The following NXPH1 variants were observed in gnomAD, a reference collection of about 807,000 sequenced individuals.
NXPH1 encodes the protein neurexophilin-1.
In NXPH1, 5 loss-of-function variants were observed where a neutral mutation model predicts 23.7. The ratio of observed to expected loss-of-function variants is 0.21; its 90% CI spans 0.11 to 0.44. The LOEUF (loss-of-function observed/expected upper bound fraction) is 0.44, where lower values mean the gene tolerates loss of function less well. Among genes scored for constraint, NXPH1 ranks in the 20% least tolerant of loss-of-function variants. The pLI is 0.99. For synonymous variants in NXPH1, 144 were observed against 122.2 expected, an observed-to-expected ratio of 1.18 and a Z score of -1.18; for missense variants, 324 against 321.6, an observed-to-expected ratio of 1.01 and a Z score of -0.06.
chr7:8,650,068 G>A (rs1820466686), intron 2 of NXPH1, among the ~76,000 whole-genome samples: 1 of 151,940 alleles, frequency 6.6e-6, no homozygotes, highest in African/African-American at 2.4e-5. Flanking sequence ...TGCTATTTCT[G>A]GACAGTTGTA....
rs1818863358 is a variant in NXPH1 at position 8,581,219 on chromosome 7, T to C, written c.54+145452T>C. 2.6e-5 allele frequency among the ~76,000 whole-genome samples: 4 copies of C among 152,326 alleles called. No homozygotes were observed. The South Asian group carries it at 8.3e-4, about 32-fold the overall frequency. ...AAAATATATACTTATTAAAGACATC[T>C]ATGTATCAGGCATTGGGGAAATAAT... is the stretch of plus-strand genomic sequence containing the variant. On this transcript the variant is annotated intron_variant, in intron 2 of 2. Transcript: ENST00000405863.
At chr7:8,540,081 C>A (rs1433123143) in intron 2 of NXPH1, among the ~76,000 whole-genome samples, 1 of 151,750 alleles carries the variant, frequency 6.6e-6, no homozygotes, top group Admixed American at 6.6e-5. Context: ...AATTTTATAG[C>A]AGATTTATTA....
chr7:8,523,460 G>T (rs1817808999), intron 2 of NXPH1, among the ~76,000 whole-genome samples: 1 of 152,132 alleles, frequency 6.6e-6, no homozygotes, highest in Non-Finnish European at 1.5e-5. Context: ...TCCTTTATGA[G>T]AATTAAGTAC....
intron 2 of NXPH1, among the ~76,000 whole-genome samples, chr7:8,740,904 T>C (rs1780350447): frequency 6.6e-6 from 1 of 152,142 alleles, no homozygotes; most frequent in African/African-American, 2.4e-5. Flanking sequence ...TGTGTGTGTA[T>C]GTAGTGAGAA....
intron 2 of NXPH1, among the ~76,000 whole-genome samples, chr7:8,736,955 CTT>C (rs201607337): frequency 6.9e-6 from 1 of 145,086 alleles, no homozygotes; most frequent in Non-Finnish European, 1.5e-5. Context: ...CAACCCCTAC[CTT>C]TTTTTTTTTA....
intron 2 of NXPH1, among the ~76,000 whole-genome samples, chr7:8,623,593 T>A (rs900672955): frequency 1.5e-5 from 2 of 136,808 alleles, no homozygotes; most frequent in African/African-American, 6.0e-5. Flanking sequence ...CAGAGAGATT[T>A]GAATATAGAC....
intron 2 of NXPH1, among the ~76,000 whole-genome samples, chr7:8,640,711 T>C (rs754758528): frequency 1.3e-5 from 2 of 152,172 alleles, no homozygotes; most frequent in Non-Finnish European, 2.9e-5. Flanking sequence ...ATGTTAGCAC[T>C]TTGGGAGGTC....
intron 2 of NXPH1, among the ~76,000 whole-genome samples, chr7:8,444,607 T>C (rs1470121401): frequency 2.6e-5 from 4 of 152,242 alleles, no homozygotes; most frequent in African/African-American, 9.6e-5. Flanking sequence ...TGTATTCCTG[T>C]ACAGGTGTCT....
intron 2 of NXPH1, among the ~76,000 whole-genome samples, chr7:8,476,946 C>T (rs1413915591): frequency 6.6e-6 from 1 of 152,100 alleles, no homozygotes; most frequent in Non-Finnish European, 1.5e-5. Flanking sequence ...CTTATACTTG[C>T]CTTCAAATTT....
intron 2 of NXPH1, among the ~76,000 whole-genome samples, chr7:8,696,868 G>A (rs1230918468): frequency 2.0e-5 from 3 of 149,196 alleles, no homozygotes; most frequent in Admixed American, 2.0e-4. Flanking sequence ...GTGAGGCCGG[G>A]CACAGTAGCT....
chr7:8,580,232 G>A (rs1212411873), intron 2 of NXPH1, among the ~76,000 whole-genome samples: 1 of 152,146 alleles, frequency 6.6e-6, no homozygotes, highest in African/African-American at 2.4e-5. Flanking sequence ...GAATGGGTAT[G>A]GGCAAAGGAT....
At chr7:8,557,037 G>A (rs1295845361) in intron 2 of NXPH1, among the ~76,000 whole-genome samples, 1 of 151,668 alleles carries the variant, frequency 6.6e-6, no homozygotes, top group Admixed American at 6.6e-5. Flanking sequence ...TAACACATAC[G>A]CTTAACTCTC....
At chr7:8,444,032 A>T (rs1392165378) in intron 2 of NXPH1, among the ~76,000 whole-genome samples, 1 of 152,192 alleles carries the variant, frequency 6.6e-6, no homozygotes, top group Admixed American at 6.5e-5. Context: ...CGCAGCGGTC[A>T]CACCGTTGAT....
intron 2 of NXPH1, among the ~76,000 whole-genome samples, chr7:8,579,069 C>T (rs1277560385): frequency 6.6e-6 from 1 of 152,168 alleles, no homozygotes; most frequent in Non-Finnish European, 1.5e-5. Flanking sequence ...CACTCAGTAC[C>T]ACATGTTTGT....
chr7:8,611,292 C>T (rs912439764), intron 2 of NXPH1, among the ~76,000 whole-genome samples: 8 of 152,220 alleles, frequency 5.3e-5, no homozygotes, highest in East Asian at 3.9e-4. Context: ...TTCTCTCAAT[C>T]GGCTGGCCCT....
intron 2 of NXPH1, among the ~76,000 whole-genome samples, chr7:8,451,227 G>A (rs1041995274): frequency 2.6e-5 from 4 of 151,732 alleles, no homozygotes; most frequent in African/African-American, 7.3e-5. Flanking sequence ...GACTTGGGAA[G>A]TTAAGTGACT....
At chr7:8,441,618 G>T (rs545492055) in intron 2 of NXPH1, among the ~76,000 whole-genome samples, 14 of 152,308 alleles carry the variant, frequency 9.2e-5, no homozygotes, top group African/African-American at 3.1e-4. Context: ...AGTTGGCTCT[G>T]TCAGCTCGAG....
intron 2 of NXPH1, among the ~76,000 whole-genome samples, chr7:8,547,159 A>T (rs1320939709): frequency 6.6e-6 from 1 of 151,512 alleles, no homozygotes; most frequent in African/African-American, 2.4e-5. Context: ...CCTTAGGTGA[A>T]TGCCAAAAAT....
At chr7:8,717,896 A>G (rs797006967) in intron 2 of NXPH1, among the ~76,000 whole-genome samples, 17 of 138,972 alleles carry the variant, frequency 1.2e-4, no homozygotes, top group East Asian at 2.0e-4. Flanking sequence ...CTCTGTGTGT[A>G]TATATATATA....
Sources: allele counts gnomAD v4.1 joint callset (sites outside exome capture counted in the v4.1 genomes callset), GRCh38; gene constraint gnomAD v4.1.1; transcripts MANE v1.5; gene names NCBI Gene and HGNC (gene_info 2026-07-23, HGNC 2026-07-21).